The following AGBL1 variants were observed in gnomAD, a reference collection of about 807,000 sequenced individuals.
AGBL1 encodes the protein cytosolic carboxypeptidase 4.
In AGBL1, 130 loss-of-function variants were observed where a neutral mutation model predicts 118.9. That is an observed-to-expected ratio of 1.09 (90% CI 0.95 to 1.26). The LOEUF is 1.26. Ranked by LOEUF, AGBL1 falls within the 50% of genes most tolerant of loss-of-function variation. AGBL1 has a pLI of 0.00. For synonymous variants in AGBL1, 555 were observed against 478.9 expected (o/e 1.16, Z -2.08); for missense variants, 1,584 against 1,298.1 (o/e 1.22, Z -3.38).
chr15:86,177,630 A>G (rs2077498682), intron 5 of AGBL1, among the ~76,000 whole-genome samples: 1 of 152,222 alleles, frequency 6.6e-6, no homozygotes, highest in Non-Finnish European at 1.5e-5. Context: ...ATTATCAACA[A>G]CAGAAAGGTT....
At chr15:86,780,546 C>A (rs542531120) in intron 22 of AGBL1, among the ~76,000 whole-genome samples, 2 of 152,066 alleles carry the variant, frequency 1.3e-5, no homozygotes, top group African/African-American at 2.4e-5. Flanking sequence ...TTATTGGAAT[C>A]GCATTGAGTC....
chr15:86,228,110 A>G (rs1405879902), intron 6 of AGBL1, among the ~76,000 whole-genome samples: 1 of 152,188 alleles, frequency 6.6e-6, no homozygotes, highest in Non-Finnish European at 1.5e-5. Context: ...CTGATGAGTC[A>G]GGGGTTGCTG....
intron 18 of AGBL1, among the ~76,000 whole-genome samples, chr15:86,517,517 C>G (rs1328644778): frequency 6.6e-6 from 1 of 152,124 alleles, no homozygotes; most frequent in Non-Finnish European, 1.5e-5. Context: ...CATTTGAACC[C>G]AGGTCAGTTC....
chr15:86,349,881 A>C (rs1364282418), intron 17 of AGBL1, among the ~76,000 whole-genome samples: 2 of 152,240 alleles, frequency 1.3e-5, no homozygotes, highest in Non-Finnish European at 2.9e-5. Flanking sequence ...GGCAACTCAC[A>C]TGTTCTCTCT....
intron 17 of AGBL1, among the ~76,000 whole-genome samples, chr15:86,338,823 G>A (rs752327745): frequency 6.6e-6 from 1 of 151,304 alleles, no homozygotes; most frequent in Admixed American, 6.6e-5. Flanking sequence ...AGAGTCGTGA[G>A]AGTGGATCTC....
intron 22 of AGBL1, among the ~76,000 whole-genome samples, chr15:86,780,696 C>T (rs1322871958): frequency 2.0e-5 from 3 of 149,408 alleles, no homozygotes; most frequent in Non-Finnish European, 4.4e-5. Context: ...GAGTCTCGCT[C>T]TGTCGCCCAG....
intron 5 of AGBL1, among the ~76,000 whole-genome samples, chr15:86,162,380 T>G (rs2077279121): frequency 6.6e-6 from 1 of 152,180 alleles, no homozygotes. Flanking sequence ...AGCAGGAACC[T>G]AAAATTAGAT....
chr15:86,708,060 A>G (rs997471942), intron 22 of AGBL1, among the ~76,000 whole-genome samples: 1 of 152,032 alleles, frequency 6.6e-6, no homozygotes, highest in African/African-American at 2.4e-5. Flanking sequence ...CTGCTTGACA[A>G]TTGCCATTCT....
At chr15:86,164,739 C>T (rs1485434894) in intron 5 of AGBL1, among the ~76,000 whole-genome samples, 1 of 152,124 alleles carries the variant, frequency 6.6e-6, no homozygotes, top group African/African-American at 2.4e-5. Context: ...GTATCATAGC[C>T]AATTGGAAAT....
chr15:86,791,894 A>T (rs546843914), intron 22 of AGBL1, among the ~76,000 whole-genome samples: 1 of 151,882 alleles, frequency 6.6e-6, no homozygotes, highest in Non-Finnish European at 1.5e-5. Flanking sequence ...GTGCCACCAC[A>T]CCTGGCTAAT....
At chr15:86,532,501 G>A (rs1473820686) in intron 19 of AGBL1, among the ~76,000 whole-genome samples, 1 of 121,132 alleles carries the variant, frequency 8.3e-6, no homozygotes, top group Non-Finnish European at 1.7e-5. Flanking sequence ...CTCATGGGTA[G>A]GAAGAATCAA....
intron 17 of AGBL1, among the ~76,000 whole-genome samples, chr15:86,364,956 C>CATATATAT (rs776121691): frequency 1.6e-4 from 14 of 89,578 alleles, no homozygotes; most frequent in African/African-American, 8.6e-4. Context: ...TTATATGTCA[C>CATATATAT]ACATATATAT....
intron 17 of AGBL1, among the ~76,000 whole-genome samples, chr15:86,379,917 A>T (rs1385492895): frequency 2.0e-5 from 3 of 152,260 alleles, no homozygotes; most frequent in African/African-American, 7.2e-5. Context: ...AAAGATTCAT[A>T]GCAGGGTGCT....
chr15:86,580,173 A>G (rs894938819), intron 21 of AGBL1, among the ~76,000 whole-genome samples: 1 of 152,150 alleles, frequency 6.6e-6, no homozygotes, highest in African/African-American at 2.4e-5. Flanking sequence ...ACATATACTC[A>G]TTACTGCTTC....
intron 22 of AGBL1, among the ~76,000 whole-genome samples, chr15:86,793,165 C>T (rs936548557): frequency 3.9e-5 from 6 of 152,170 alleles, no homozygotes; most frequent in Non-Finnish European, 1.5e-5. Flanking sequence ...GCACCATAGA[C>T]TATCATTCAT....
chr15:86,403,889 A>C (rs561620004), intron 18 of AGBL1, among the ~76,000 whole-genome samples: 1 of 152,318 alleles, frequency 6.6e-6, no homozygotes, highest in East Asian at 1.9e-4. Flanking sequence ...TCAAATGATA[A>C]GGAAACTGAG....
intron 1 of AGBL1, among the ~76,000 whole-genome samples, chr15:86,136,532 A>G (rs12591048): frequency 0.065 from 9,937 of 152,150 alleles, 536 homozygotes; most frequent in East Asian, 0.25. Context: ...AGCTGGGAAA[A>G]CCATAAAGAA....
chr15:86,442,249 G>T (rs1375974900), intron 18 of AGBL1, among the ~76,000 whole-genome samples: 1 of 152,196 alleles, frequency 6.6e-6, no homozygotes, highest in African/African-American at 2.4e-5. Flanking sequence ...CAGGCTGAGA[G>T]TGAAGGAGAT....
chr15:86,930,573 T>G lies in AGBL1; in HGVS notation c.3222-57414T>G, dbSNP rs888796429. ...AATATTTTCTCTGGTTGTAGATAGC[T>G]CCCTTAAAAATAAACAATTATTTTC... On this transcript the variant is annotated intron_variant, in intron 23 of 24. Coordinates refer to the AGBL1 transcript ENST00000441037. Among the ~76,000 whole-genome samples, 5 of 152,040 alleles carry G rather than the reference T, an allele frequency of 3.3e-5. No individual in the cohort carries two copies. In the East Asian group the frequency reaches 5.8e-4, roughly 18 times the overall value.
Sources: gnomAD v4.1 joint callset for allele counts (sites outside exome capture counted in the v4.1 genomes callset) on GRCh38, gnomAD v4.1.1 for gene constraint, MANE v1.5 for transcripts, NCBI Gene and HGNC (gene_info 2026-07-23, HGNC 2026-07-21) for gene names.